Variants in LAMP3 observed in about 807,000 individuals in gnomAD.
The protein encoded by LAMP3 is lysosome associated membrane protein 3, also known as lysosome-associated membrane glycoprotein 3.
Under a neutral mutation model 34.8 loss-of-function variants are expected in LAMP3, and 26 were observed. The observed-to-expected ratio is 0.75, with a 90% CI of 0.55 to 1.04. LAMP3 has a LOEUF of 1.04. LAMP3 is among the 50% of genes least tolerant of loss of function. LAMP3 has a pLI of 0.00. For synonymous variants in LAMP3, 180 were observed against 201.9 expected (o/e 0.89, Z 0.92); for missense variants, 495 against 524.0 (o/e 0.94, Z 0.54).
intron 5 of LAMP3, among the ~76,000 whole-genome samples, chr3:183,131,089 A>T (rs943582707): frequency 2.0e-5 from 3 of 152,228 alleles, no homozygotes; most frequent in Non-Finnish European, 4.4e-5. Context: ...ATGCTAATTC[A>T]AATTAATTCT....
At chr3:183,144,871 C>T (rs1050699423) in intron 3 of LAMP3, among the ~76,000 whole-genome samples, 1 of 152,198 alleles carries the variant, frequency 6.6e-6, no homozygotes, top group African/African-American at 2.4e-5. Flanking sequence ...TGCTACCACA[C>T]TTCAGCCTGG....
At chr3:183,126,113 C>T (rs1162576679) in intron 5 of LAMP3, among the ~76,000 whole-genome samples, 1 of 152,186 alleles carries the variant, frequency 6.6e-6, no homozygotes, top group Non-Finnish European at 1.5e-5. Flanking sequence ...AAGATATATT[C>T]ATACACTATG....
chr3:183,162,786 A>G (rs1721018243), upstream of LAMP3: 1 of 838,486 alleles, frequency 1.2e-6, no homozygotes, highest in Admixed American at 3.4e-5. Flanking sequence ...AAGCCCGCCC[A>G]GGGCCGCTGG....
chr3:183,152,591 G>A (rs535334113), intron 2 of LAMP3, 88 bp from the exon 3 acceptor site: 13 of 1,230,434 alleles, frequency 1.1e-5, no homozygotes, highest in Non-Finnish European at 1.5e-5. Context: ...TTGTGAGCCT[G>A]AAACTTAAGG....
chr3:183,158,285 T>C (rs1001375662), intron 1 of LAMP3, among the ~76,000 whole-genome samples: 1 of 152,162 alleles, frequency 6.6e-6, no homozygotes, highest in African/African-American at 2.4e-5. Context: ...GACTGATTTC[T>C]GTCGAAATTG....
At chr3:183,154,506 A>G in intron 1 of LAMP3, 115 bp from the exon 2 acceptor site, 1 of 775,836 alleles carries the variant, frequency 1.3e-6, no homozygotes, top group Non-Finnish European at 2.0e-6. Context: ...ATATTTTTAT[A>G]CTTGGGGGAA....
chr3:183,143,496 G>A (rs78709175), intron 3 of LAMP3, among the ~76,000 whole-genome samples: 6,285 of 152,132 alleles, frequency 0.041, 391 homozygotes, highest in African/African-American at 0.13. Flanking sequence ...AAGGACAGGG[G>A]GATATTTAGT....
chr3:183,126,148 A>C (rs931525252), intron 5 of LAMP3, among the ~76,000 whole-genome samples: 1 of 152,240 alleles, frequency 6.6e-6, no homozygotes, highest in Non-Finnish European at 1.5e-5. Flanking sequence ...AGCACTGTCC[A>C]TTTTATGAGA....
chr3:183,126,993 C>A (rs1366075618), intron 5 of LAMP3, among the ~76,000 whole-genome samples: 2 of 152,138 alleles, frequency 1.3e-5, no homozygotes, highest in Non-Finnish European at 2.9e-5. Flanking sequence ...ATGCATTAAA[C>A]AATTATGAAA....
chr3:183,126,013 A>C (rs561711653), intron 5 of LAMP3, among the ~76,000 whole-genome samples: 127 of 152,342 alleles, frequency 8.3e-4, no homozygotes, highest in Middle Eastern at 6.8e-3. Flanking sequence ...TAAGGAATTA[A>C]AATGAGTGGG....
intron 3 of LAMP3, among the ~76,000 whole-genome samples, chr3:183,151,005 C>T (rs2108609723): frequency 6.6e-6 from 1 of 152,234 alleles, no homozygotes; most frequent in East Asian, 1.9e-4. Flanking sequence ...GCAACTCTAC[C>T]TTGTATGCTC....
upstream of LAMP3, chr3:183,162,822 C>T (rs1021668789): frequency 6.9e-5 from 43 of 619,208 alleles, no homozygotes; most frequent in Non-Finnish European, 1.1e-4. Context: ...CCGCCGGCCC[C>T]CTCCTACCCC....
intron 1 of LAMP3, 131 bp downstream of exon 1, chr3:183,162,476 G>C (rs1394791288): frequency 2.3e-6 from 2 of 868,780 alleles, no homozygotes; most frequent in African/African-American, 3.4e-5. Flanking sequence ...AGTTCCAGCT[G>C]GGAAGCCCTT....
At chr3:183,157,021 G>A (rs953853077) in intron 1 of LAMP3, among the ~76,000 whole-genome samples, 1 of 152,056 alleles carries the variant, frequency 6.6e-6, no homozygotes, top group Non-Finnish European at 1.5e-5. Flanking sequence ...CCTTGGTGAG[G>A]GTTTCAAAAG....
intron 1 of LAMP3, among the ~76,000 whole-genome samples, chr3:183,157,038 T>G (rs1720842589): frequency 6.6e-6 from 1 of 152,200 alleles, no homozygotes; most frequent in Non-Finnish European, 1.5e-5. Flanking sequence ...AAAGTTCATG[T>G]GCTGAAAAGG....
intron 5 of LAMP3, among the ~76,000 whole-genome samples, chr3:183,125,745 A>G (rs1211787189): frequency 6.6e-6 from 1 of 152,152 alleles, no homozygotes; most frequent in Non-Finnish European, 1.5e-5. Context: ...TGTTACTTAT[A>G]TATGTTTCTC....
intron 4 of LAMP3, among the ~76,000 whole-genome samples, chr3:183,136,300 G>A (rs1720086416): frequency 6.6e-6 from 1 of 152,174 alleles, no homozygotes; most frequent in Admixed American, 6.6e-5. Flanking sequence ...TCAGTGAAGG[G>A]ACATGCAGTC....
chr3:183,137,372 T>TC (rs778590551), intron 4 of LAMP3, among the ~76,000 whole-genome samples: 1 of 152,206 alleles, frequency 6.6e-6, no homozygotes, highest in East Asian at 1.9e-4. Context: ...TACAATGAAC[T>TC]CCATTTTCTC....
At chr3:183,149,166 GA>G (rs2108608135) in intron 3 of LAMP3, among the ~76,000 whole-genome samples, 1 of 152,040 alleles carries the variant, frequency 6.6e-6, no homozygotes, top group South Asian at 2.1e-4. Flanking sequence ...TGGAGATAGA[GA>G]GTAGAATGAT....
Sources: gnomAD v4.1 joint callset for allele counts (sites outside exome capture counted in the v4.1 genomes callset) on GRCh38, gnomAD v4.1.1 for gene constraint, MANE v1.5 for transcripts, NCBI Gene and HGNC (gene_info 2026-07-23, HGNC 2026-07-21) for gene names.